GPHN: variants seen among roughly 807,000 people sequenced by gnomAD.
GPHN encodes gephyrin.
A neutral mutation model predicts 95.5 loss-of-function variants in GPHN; 17 were observed. That is an observed-to-expected ratio of 0.18 (90% CI 0.12 to 0.27). GPHN has a LOEUF of 0.27. Ranked by LOEUF, GPHN falls within the 10% of genes least tolerant of loss-of-function variation. GPHN has a pLI of 1.00. For missense variants in GPHN, 660 were observed against 978.1 expected (o/e 0.67, Z 4.34); for synonymous variants, 320 against 322.5 (o/e 0.99, Z 0.08).
chr14:67,246,170 G>T, the GPHN span, among the ~76,000 whole-genome samples: 2 of 151,388 alleles, frequency 1.3e-5, no homozygotes, highest in Non-Finnish European at 2.9e-5. Context: ...TTAGAGACAG[G>T]GTCTCTCTCT....
the GPHN span, chr14:67,352,827 A>T: frequency 2.7e-6 from 2 of 752,520 alleles, no homozygotes; most frequent in Middle Eastern, 3.9e-4. Flanking sequence ...TTGAAAGAAA[A>T]AAATTAATTA....
At chr14:66,535,529 T>C (rs1261297966) in intron 1 of GPHN, among the ~76,000 whole-genome samples, 1 of 152,170 alleles carries the variant, frequency 6.6e-6, no homozygotes, top group Non-Finnish European at 1.5e-5. Flanking sequence ...TGGGATTGCA[T>C]TGAGGCTATA....
intron 13 of GPHN, among the ~76,000 whole-genome samples, chr14:67,108,681 G>A (rs1299134634): frequency 1.4e-5 from 2 of 146,048 alleles, no homozygotes; most frequent in Admixed American, 1.4e-4. Flanking sequence ...TCAGTAGTAA[G>A]GTATTTTTTT....
chr14:67,225,971 G>A, the GPHN span, among the ~76,000 whole-genome samples: 31 of 145,666 alleles, frequency 2.1e-4, no homozygotes, highest in Non-Finnish European at 3.0e-4. Context: ...GTGCGCGCGC[G>A]CGCGTGCGCA....
intron 1 of GPHN, among the ~76,000 whole-genome samples, chr14:66,617,002 G>A (rs1008910851): frequency 5.9e-5 from 9 of 152,140 alleles, no homozygotes; most frequent in South Asian, 2.1e-4. Flanking sequence ...CACCATCTGC[G>A]CCCGGCTGAA....
At chr14:66,817,615 CAGCCACATGAGTCTA>C (rs1000889303) in intron 3 of GPHN, among the ~76,000 whole-genome samples, 1 of 152,054 alleles carries the variant, frequency 6.6e-6, no homozygotes, top group Non-Finnish European at 1.5e-5. Flanking sequence ...GTCATTATTT[CAGCCACATGAGTCTA>C]AGGTCACTCA....
chr14:67,097,605 A>C (rs375209463), intron 12 of GPHN, among the ~76,000 whole-genome samples: 1 of 151,936 alleles, frequency 6.6e-6, no homozygotes, highest in East Asian at 1.9e-4. Flanking sequence ...CTCATTCTTC[A>C]TATTCAAATC....
intron 17 of GPHN, chr14:67,142,861 C>G: frequency 5.0e-6 from 1 of 200,046 alleles, no homozygotes; most frequent in Non-Finnish European, 1.0e-5. Context: ...TACAGATCCT[C>G]TTGATTACAA....
chr14:67,466,856 A>G, the GPHN span, among the ~76,000 whole-genome samples: 1 of 152,040 alleles, frequency 6.6e-6, no homozygotes, highest in South Asian at 2.1e-4. Flanking sequence ...TTAGCCGAGC[A>G]TGGTGGCACG....
At chr14:67,579,778 G>T in the GPHN span, 4 of 1,612,698 alleles carry the variant, frequency 2.5e-6, no homozygotes, top group Non-Finnish European at 3.4e-6. Flanking sequence ...GCTGAACCAG[G>T]AGATAGGCAT....
chr14:67,421,277 A>T, the GPHN span, among the ~76,000 whole-genome samples: 1 of 152,200 alleles, frequency 6.6e-6, no homozygotes, highest in African/African-American at 2.4e-5. Flanking sequence ...TAAAGCACTT[A>T]GAAAGCACCT....
At chr14:66,970,126 T>G (rs2153590963) in intron 9 of GPHN, among the ~76,000 whole-genome samples, 1 of 147,146 alleles carries the variant, frequency 6.8e-6, no homozygotes, top group African/African-American at 2.5e-5. Flanking sequence ...AAAATATAAA[T>G]ACTATCAATA....
chr14:67,006,529 A>G (rs17103814), intron 9 of GPHN, among the ~76,000 whole-genome samples: 9,575 of 152,192 alleles, frequency 0.063, 342 homozygotes, highest in Middle Eastern at 0.085. Context: ...TAAAAAGGCT[A>G]CTGTTGTGTG....
At chr14:67,496,581 G>A in the GPHN span, among the ~76,000 whole-genome samples, 1 of 151,830 alleles carries the variant, frequency 6.6e-6, no homozygotes, top group African/African-American at 2.4e-5. Flanking sequence ...AGAAGTAGAC[G>A]TGAGAGAGGT....
the GPHN span, chr14:67,333,044 A>G: frequency 2.5e-6 from 3 of 1,178,136 alleles, no homozygotes; most frequent in East Asian, 4.8e-5. Flanking sequence ...AAGATTGAGG[A>G]TAAGATGGAA....
the GPHN span, chr14:67,650,967 T>G: frequency 6.4e-7 from 1 of 1,551,618 alleles, no homozygotes; most frequent in South Asian, 1.1e-5. Context: ...TCCAGAATTA[T>G]GAGGCATTGA....
chr14:67,286,693 C>CA, the GPHN span, among the ~76,000 whole-genome samples: 16 of 146,872 alleles, frequency 1.1e-4, no homozygotes, highest in East Asian at 4.1e-4. Flanking sequence ...CCATCTCTAC[C>CA]AAAAAAAATA....
At chr14:67,173,184 A>G (rs547802860) in intron 21 of GPHN, among the ~76,000 whole-genome samples, 8 of 152,310 alleles carry the variant, frequency 5.3e-5, no homozygotes, top group Admixed American at 2.6e-4. Context: ...CAATGGGTTC[A>G]CAAGACCCTT....
the GPHN span, among the ~76,000 whole-genome samples, chr14:67,549,960 C>A: frequency 6.6e-6 from 1 of 152,182 alleles, no homozygotes; most frequent in Non-Finnish European, 1.5e-5. Context: ...TCTGCCATGG[C>A]CTTACCCCGG....
Sources: gnomAD v4.1 joint callset for allele counts (sites outside exome capture counted in the v4.1 genomes callset) on GRCh38, gnomAD v4.1.1 for gene constraint, MANE v1.5 for transcripts, NCBI Gene and HGNC (gene_info 2026-07-23, HGNC 2026-07-21) for gene names.